TANGO6: variants seen among roughly 807,000 people sequenced by gnomAD.
The protein encoded by TANGO6 is transport and Golgi organization protein 6 homolog.
In TANGO6, 90 loss-of-function variants were observed where a neutral mutation model predicts 114.2. The ratio of observed to expected loss-of-function variants is 0.79; its 90% CI spans 0.66 to 0.94. TANGO6 has a LOEUF of 0.94. Among genes scored for constraint, TANGO6 ranks in the 40% least tolerant of loss-of-function variants. TANGO6 has a pLI of 0.00. For missense variants in TANGO6, 1,274 were observed against 1,315.3 expected (o/e 0.97, Z 0.49); for synonymous variants, 477 against 509.8 (o/e 0.94, Z 0.87).
chr16:69,004,557 TGTTGGTCAG>T (rs540848303), intron 15 of TANGO6, among the ~76,000 whole-genome samples: 222 of 152,234 alleles, frequency 1.5e-3, no homozygotes, highest in African/African-American at 4.7e-3. Flanking sequence ...GGTTTCAGCA[TGTTGGTCAG>T]GCTGGTCTCA....
chr16:68,859,684 G>A (rs1326160943), intron 1 of TANGO6, among the ~76,000 whole-genome samples, 200 bp from the exon 2 acceptor site: 5 of 152,206 alleles, frequency 3.3e-5, no homozygotes, highest in Non-Finnish European at 5.9e-5. Context: ...CCAATTACAT[G>A]CAAAGTGCTG....
chr16:69,069,550 G>T (rs1422232766), intron 17 of TANGO6, among the ~76,000 whole-genome samples: 1 of 151,970 alleles, frequency 6.6e-6, no homozygotes, highest in Non-Finnish European at 1.5e-5. Flanking sequence ...CTTTTTTTCT[G>T]CCAGGACAAT....
chr16:68,952,352 C>T (rs551761897), intron 14 of TANGO6, among the ~76,000 whole-genome samples: 9 of 152,214 alleles, frequency 5.9e-5, no homozygotes, highest in African/African-American at 2.2e-4. Context: ...TTTACTGGAG[C>T]TTTATTGCAG....
At chr16:68,917,911 C>A (rs1041570575) in intron 11 of TANGO6, among the ~76,000 whole-genome samples, 74 of 150,326 alleles carry the variant, frequency 4.9e-4, no homozygotes, top group African/African-American at 1.6e-3. Context: ...TGCCACTATG[C>A]CTGGCTAATT....
chr16:69,027,959 T>G (rs1168636938), intron 16 of TANGO6, among the ~76,000 whole-genome samples: 1 of 152,050 alleles, frequency 6.6e-6, no homozygotes, highest in Non-Finnish European at 1.5e-5. Flanking sequence ...ATTTGTAATT[T>G]TTTTTCTTTT....
chr16:68,991,029 A>T (rs1212409309), intron 15 of TANGO6, among the ~76,000 whole-genome samples: 1 of 152,194 alleles, frequency 6.6e-6, no homozygotes, highest in Non-Finnish European at 1.5e-5. Flanking sequence ...CAGAAAAAAG[A>T]TGTCCCCAGA....
chr16:68,844,410 G>T (rs1961771835), intron 1 of TANGO6, among the ~76,000 whole-genome samples: 1 of 152,114 alleles, frequency 6.6e-6, no homozygotes, highest in Admixed American at 6.5e-5. Flanking sequence ...CCCCTTCTCA[G>T]AATCAGACAA....
At chr16:68,942,326 A>C (rs1439664233) in intron 14 of TANGO6, among the ~76,000 whole-genome samples, 7 of 152,174 alleles carry the variant, frequency 4.6e-5, no homozygotes, top group Admixed American at 1.3e-4. Flanking sequence ...CCATCTCAAA[A>C]AAAAAAAAAG....
intron 1 of TANGO6, among the ~76,000 whole-genome samples, chr16:68,851,667 C>T (rs187100131): frequency 1.3e-5 from 2 of 152,226 alleles, no homozygotes; most frequent in Non-Finnish European, 2.9e-5. Context: ...GCCTGTGTAT[C>T]TATAGGATAG....
chr16:68,983,900 G>A (rs537984610), intron 15 of TANGO6, among the ~76,000 whole-genome samples: 188 of 152,166 alleles, frequency 1.2e-3, no homozygotes, highest in South Asian at 0.011. Flanking sequence ...AGTCGTGTTG[G>A]CGGGTGCCTG....
At chr16:68,880,691 T>C in intron 7 of TANGO6, 61 bp downstream of exon 7, 2 of 1,336,592 alleles carry the variant, frequency 1.5e-6, no homozygotes, top group African/African-American at 3.1e-5. Flanking sequence ...TTTTTAAATT[T>C]TTTCTTTTTT....
intron 4 of TANGO6, among the ~76,000 whole-genome samples, chr16:68,868,836 C>T (rs2152163139): frequency 6.6e-6 from 1 of 152,170 alleles, no homozygotes; most frequent in South Asian, 2.1e-4. Flanking sequence ...ATAATTTTTT[C>T]AGTTTCAGGC....
At chr16:68,930,101 A>T in intron 13 of TANGO6, 137 bp from the exon 14 acceptor site, 1 of 678,234 alleles carries the variant, frequency 1.5e-6, no homozygotes, top group Non-Finnish European at 2.5e-6. Flanking sequence ...TTTCCCCCAC[A>T]AAACTCTGTC....
chr16:68,862,954 G>A lies in TANGO6; in HGVS notation c.745G>A (p.Glu249Lys). 6.3e-7 allele frequency: 1 copy of A among 1,591,698 alleles called. No individual in the cohort carries two copies. Among genetic ancestry groups the A allele is most frequent in the South Asian group, 1.1e-5 (1 of 87,102 alleles). Residue 249 changes from glutamate to lysine, a missense_variant, in exon 3 of 18, where the codon GAA (glutamate) becomes AAA (lysine). Physicochemically the swap from Glu to Lys is moderately conservative, Grantham distance 56. This residue lies in a region of TANGO6 where 908 missense variants were observed against 910.2 expected (regional missense o/e 1.00). Coordinates refer to ENST00000261778, the MANE Select transcript of TANGO6 (RefSeq NM_024562.2). ...LLTPAEEVLT[E>K]EERTLSRGAL... ...TGCATATTTCTTTTAGGTTCTAACT[G>A]AAGAGGAGAGAACCCTATCCAGGGG...
At chr16:69,080,536 T>C (rs965316447) in intron 17 of TANGO6, among the ~76,000 whole-genome samples, 3 of 152,028 alleles carry the variant, frequency 2.0e-5, no homozygotes, top group African/African-American at 7.2e-5. Context: ...GACAACAGAG[T>C]GAGACCCTGT....
At chr16:69,000,922 C>T (rs766477027) in intron 15 of TANGO6, among the ~76,000 whole-genome samples, 9 of 152,120 alleles carry the variant, frequency 5.9e-5, no homozygotes, top group Non-Finnish European at 8.8e-5. Flanking sequence ...CAACTTGCTC[C>T]CACACAGTTC....
rs1962741205 is a variant in TANGO6, at chr16:68,898,657, A to G, written c.1378-1777A>G. On this transcript the variant is annotated intron_variant, in intron 7 of 17. Transcript: ENST00000261778. ...ACTGGGCCGCTTTCACCCGCAAAAT[A>G]GGGCTCCTAGTAGTGACTTTGTGAG... Among the ~76,000 whole-genome samples, 3 of 152,064 alleles carry G rather than the reference A, an allele frequency of 2.0e-5. No individual in the cohort carries two copies. The South Asian group carries it at 6.2e-4, about 32-fold the overall frequency.
chr16:68,959,043 G>A (rs1402024008), intron 14 of TANGO6, among the ~76,000 whole-genome samples: 1 of 152,062 alleles, frequency 6.6e-6, no homozygotes, highest in Non-Finnish European at 1.5e-5. Flanking sequence ...CAGGGTGCCT[G>A]ATTAGGTTGG....
intron 14 of TANGO6, among the ~76,000 whole-genome samples, chr16:68,936,771 T>G (rs545954786): frequency 3.5e-4 from 53 of 152,098 alleles, no homozygotes; most frequent in African/African-American, 1.2e-3. Flanking sequence ...AAAGGATCTT[T>G]GGATAAAACT....
Sources: gnomAD v4.1 joint callset for allele counts (sites outside exome capture counted in the v4.1 genomes callset) on GRCh38, gnomAD v4.1.1 for gene constraint, gnomAD v4.1.1 regional missense constraint, MANE v1.5 for transcripts, NCBI Gene and HGNC (gene_info 2026-07-23, HGNC 2026-07-21) for gene names.